Variants in ADGRB3 observed in about 807,000 individuals in gnomAD.
ADGRB3 encodes adhesion G protein-coupled receptor B3, also known as brain-specific angiogenesis inhibitor 3.
In ADGRB3, 37 loss-of-function variants were observed where a neutral mutation model predicts 193.4. The observed-to-expected ratio is 0.19, with a 90% CI of 0.15 to 0.25. The LOEUF is 0.25. Ranked by LOEUF, ADGRB3 falls within the 10% of genes least tolerant of loss-of-function variation. ADGRB3 has a pLI of 1.00. For missense variants in ADGRB3, 1,637 were observed against 1,852.9 expected (o/e 0.88, Z 2.14); for synonymous variants, 690 against 644.2 (o/e 1.07, Z -1.08).
At chr6:68,732,358 G>C (rs552458402) in intron 3 of ADGRB3, among the ~76,000 whole-genome samples, 1 of 151,632 alleles carries the variant, frequency 6.6e-6, no homozygotes, top group Non-Finnish European at 1.5e-5. Context: ...TTACCTATAT[G>C]GAAGTTAAAT....
intron 3 of ADGRB3, among the ~76,000 whole-genome samples, chr6:68,668,210 C>T (rs551241589): frequency 6.6e-6 from 1 of 152,046 alleles, no homozygotes; most frequent in Admixed American, 6.6e-5. Context: ...GTGGAATGAT[C>T]CCCCAAAGGA....
intron 3 of ADGRB3, among the ~76,000 whole-genome samples, chr6:68,913,332 T>C (rs1195472535): frequency 2.0e-5 from 3 of 152,134 alleles, no homozygotes; most frequent in African/African-American, 4.8e-5. Context: ...GGCCGGGTAC[T>C]CCTCTGAGAC....
chr6:68,999,786 C>T (rs1047233989), intron 11 of ADGRB3, among the ~76,000 whole-genome samples: 3 of 152,024 alleles, frequency 2.0e-5, no homozygotes, highest in African/African-American at 7.2e-5. Context: ...TTTTTAAGCT[C>T]TTTGAGAGAT....
At chr6:69,217,649 G>A (rs1423015865) in intron 17 of ADGRB3, among the ~76,000 whole-genome samples, 3 of 152,150 alleles carry the variant, frequency 2.0e-5, no homozygotes, top group Non-Finnish European at 4.4e-5. Flanking sequence ...TGGTTGGGCA[G>A]GGACTTAGAT....
chr6:68,954,375 A>C (rs546924401), intron 6 of ADGRB3, among the ~76,000 whole-genome samples: 1 of 152,302 alleles, frequency 6.6e-6, no homozygotes, highest in South Asian at 2.1e-4. Flanking sequence ...ATGAATTAAT[A>C]CATGAATCTC....
At chr6:69,078,387 G>A (rs1252802385) in intron 17 of ADGRB3, among the ~76,000 whole-genome samples, 1 of 151,780 alleles carries the variant, frequency 6.6e-6, no homozygotes, top group African/African-American at 2.4e-5. Flanking sequence ...ACATTTTGTT[G>A]TTCATAATCT....
At chr6:68,867,219 C>T (rs1425959878) in intron 3 of ADGRB3, among the ~76,000 whole-genome samples, 1 of 152,104 alleles carries the variant, frequency 6.6e-6, no homozygotes, top group Non-Finnish European at 1.5e-5. Context: ...CTTCTCTGTG[C>T]AGTCTCAGGA....
At chr6:68,817,341 A>G (rs1201964091) in intron 3 of ADGRB3, among the ~76,000 whole-genome samples, 6 of 108,004 alleles carry the variant, frequency 5.6e-5, no homozygotes, top group Non-Finnish European at 1.0e-4. Context: ...ATATATATAT[A>G]TATATATATA....
intron 28 of ADGRB3, among the ~76,000 whole-genome samples, chr6:69,358,947 C>G (rs969142565): frequency 6.6e-5 from 10 of 151,242 alleles, no homozygotes; most frequent in African/African-American, 2.4e-4. Flanking sequence ...TTTTTTTCAG[C>G]AAACACAACT....
rs141705479 is a variant in ADGRB3, at chr6:68,943,718, A to G, written c.1031-112A>G. 1.2e-4 allele frequency: 100 copies of G among 836,814 alleles called. 1 individual carries two copies. The African/African-American group carries it at 1.5e-3, about 13-fold the overall frequency. The allele number at this position is 836,814 out of a possible 1,614,324, so 51.8% of individuals were successfully genotyped here. ...AGAATGTTATCTCAACTGAGTTTTA[A>G]CATATCTTTACATTTGTCTATTTAA... On this transcript the variant is annotated intron_variant, in intron 5 of 31. Transcript: ENST00000370598.
chr6:68,635,918 G>T lies in ADGRB3; in HGVS notation c.-270G>T, dbSNP rs930240151. The T allele has an allele frequency of 6.5e-6, 1 of 152,704 alleles. No individual in the cohort carries two copies. Among genetic ancestry groups the T allele is most frequent in the African/African-American group, 2.4e-5 (1 of 41,388 alleles). 9.5% of individuals were successfully genotyped at this position (152,704 alleles called of 1,614,324 possible). ...GGCAACGGTGATTGGGACCGAAGGG[G>T]AGTCTCTCCGTCACTGTTGCTGGGA... is the stretch of plus-strand genomic sequence containing the variant. On this transcript the variant is annotated 5_prime_UTR_variant, in exon 1 of 32. Transcript: ENST00000370598.
chr6:68,992,099 A>G (rs1321050297), intron 10 of ADGRB3, among the ~76,000 whole-genome samples: 1 of 152,192 alleles, frequency 6.6e-6, no homozygotes, highest in Non-Finnish European at 1.5e-5. Flanking sequence ...ACAGAAAAAT[A>G]AGCAGATAAT....
intron 17 of ADGRB3, among the ~76,000 whole-genome samples, chr6:69,133,224 A>G (rs972406683): frequency 6.6e-6 from 1 of 152,082 alleles, no homozygotes; most frequent in Non-Finnish European, 1.5e-5. Context: ...CAGTATGGCC[A>G]TTTTCATGAT....
At chr6:69,186,874 A>G (rs1403022720) in intron 17 of ADGRB3, among the ~76,000 whole-genome samples, 1 of 151,588 alleles carries the variant, frequency 6.6e-6, no homozygotes, top group Non-Finnish European at 1.5e-5. Context: ...GGGCCTGGTA[A>G]TAGTATATTA....
chr6:69,160,843 A>G (rs1774965888), intron 17 of ADGRB3, among the ~76,000 whole-genome samples: 1 of 152,132 alleles, frequency 6.6e-6, no homozygotes, highest in Non-Finnish European at 1.5e-5. Context: ...TTACCTCTGA[A>G]CTTAGTTTCA....
intron 17 of ADGRB3, among the ~76,000 whole-genome samples, chr6:69,210,976 A>G (rs71557612): frequency 6.6e-6 from 1 of 151,630 alleles, no homozygotes; most frequent in African/African-American, 2.4e-5. Context: ...AAAAAAATTA[A>G]CCAGGCGTGG....
intron 20 of ADGRB3, among the ~76,000 whole-genome samples, chr6:69,319,266 C>T (rs1768389643): frequency 6.6e-6 from 1 of 151,008 alleles, no homozygotes; most frequent in Non-Finnish European, 1.5e-5. Context: ...AAAGCTTTTT[C>T]CTCCAAAAGG....
At chr6:69,335,415 A>G (rs1297415) in intron 24 of ADGRB3, among the ~76,000 whole-genome samples, 13,316 of 152,220 alleles carry the variant, frequency 0.087, 648 homozygotes, top group Non-Finnish European at 0.11. Context: ...TCCTAGAGAA[A>G]CAGAAATGTT....
At chr6:69,200,915 A>G (rs1319795833) in intron 17 of ADGRB3, among the ~76,000 whole-genome samples, 2 of 152,180 alleles carry the variant, frequency 1.3e-5, no homozygotes, top group Non-Finnish European at 2.9e-5. Flanking sequence ...AGAAGCATTT[A>G]GAATCCATCT....
Sources: gnomAD v4.1 joint callset for allele counts (sites outside exome capture counted in the v4.1 genomes callset) on GRCh38, gnomAD v4.1.1 for gene constraint, MANE v1.5 for transcripts, NCBI Gene and HGNC (gene_info 2026-07-23, HGNC 2026-07-21) for gene names.